Variants in PPARG observed in about 807,000 individuals in gnomAD.
The protein encoded by PPARG is peroxisome proliferator-activated receptor gamma.
In PPARG, 17 loss-of-function variants were observed where a neutral mutation model predicts 39.2. That is an observed-to-expected ratio of 0.43 (90% CI 0.30 to 0.65). PPARG has a LOEUF of 0.65. Among genes scored for constraint, PPARG ranks in the 30% least tolerant of loss-of-function variants. The pLI is 0.13. For synonymous variants in PPARG, 223 were observed against 215.7 expected, an observed-to-expected ratio of 1.03 and a Z score of -0.30; for missense variants, 406 against 585.9, an observed-to-expected ratio of 0.69 and a Z score of 3.17.
At chr3:12,401,554 G>A (rs1217852232) in intron 5 of PPARG, among the ~76,000 whole-genome samples, 1 of 148,934 alleles carries the variant, frequency 6.7e-6, no homozygotes, top group Non-Finnish European at 1.5e-5. Context: ...CAAAAGCAAC[G>A]AAATAATAAA....
chr3:12,386,998 C>A (rs1020327689), intron 4 of PPARG, among the ~76,000 whole-genome samples: 1 of 151,838 alleles, frequency 6.6e-6, no homozygotes, highest in African/African-American at 2.4e-5. Context: ...TGATAGTTTG[C>A]TTAGGATGAT....
chr3:12,417,203 G>T, intron 7 of PPARG, 49 bp downstream of exon 7: 1 of 1,583,768 alleles, frequency 6.3e-7, no homozygotes. Context: ...GATGATGGTG[G>T]GGTGGCCAAA....
At chr3:12,369,282 A>G (rs2049126450) in intron 2 of PPARG, among the ~76,000 whole-genome samples, 1 of 152,174 alleles carries the variant, frequency 6.6e-6, no homozygotes, top group Non-Finnish European at 1.5e-5. Flanking sequence ...GCTTGAGCCC[A>G]GGAGTTTGAG....
At chr3:12,365,163 T>C (rs2048974200) in intron 2 of PPARG, among the ~76,000 whole-genome samples, 1 of 152,212 alleles carries the variant, frequency 6.6e-6, no homozygotes, top group Non-Finnish European at 1.5e-5. Flanking sequence ...GCCACTGATC[T>C]GACAGGAGGT....
chr3:12,432,346 T>C (rs1280613318), intron 7 of PPARG, among the ~76,000 whole-genome samples: 1 of 152,232 alleles, frequency 6.6e-6, no homozygotes, highest in East Asian at 1.9e-4. Flanking sequence ...ACTCTATTAA[T>C]GTAATTCACT....
chr3:12,410,084 A>T (rs867810628), intron 6 of PPARG, among the ~76,000 whole-genome samples: 6 of 152,194 alleles, frequency 3.9e-5, no homozygotes, highest in African/African-American at 1.4e-4. Flanking sequence ...AAAAGATGGG[A>T]TATGGAATCG....
intron 4 of PPARG, among the ~76,000 whole-genome samples, chr3:12,390,661 G>A (rs1180757399): frequency 3.1e-4 from 4 of 13,024 alleles, no homozygotes; most frequent in Admixed American, 9.5e-4. Flanking sequence ...TTTTTTTTGA[G>A]ACAATGTCTC....
chr3:12,380,119 AG>A (rs2049588859), intron 3 of PPARG, among the ~76,000 whole-genome samples, 188 bp downstream of exon 3: 1 of 152,110 alleles, frequency 6.6e-6, no homozygotes, highest in Admixed American at 6.6e-5. Context: ...AGCTGGCACG[AG>A]GTCAATCTTG....
intron 2 of PPARG, among the ~76,000 whole-genome samples, chr3:12,314,744 A>C (rs2125003830): frequency 6.6e-6 from 1 of 152,282 alleles, no homozygotes; most frequent in Non-Finnish European, 1.5e-5. Flanking sequence ...CTGAAAAGGG[A>C]CGTTAGTAGG....
intron 1 of PPARG, among the ~76,000 whole-genome samples, chr3:12,300,444 T>A (rs2046897812): frequency 6.6e-6 from 1 of 152,260 alleles, no homozygotes; most frequent in African/African-American, 2.4e-5. Context: ...GCCTGCTGTA[T>A]GATCTTTGAT....
intron 7 of PPARG, among the ~76,000 whole-genome samples, chr3:12,429,499 C>T (rs1250058432): frequency 1.4e-5 from 2 of 145,554 alleles, no homozygotes; most frequent in African/African-American, 2.6e-5. Context: ...GGGCAAATCT[C>T]TTGAGCCCAG....
At chr3:12,325,666 T>A (rs1298995974) in intron 2 of PPARG, among the ~76,000 whole-genome samples, 1 of 151,564 alleles carries the variant, frequency 6.6e-6, no homozygotes, top group Non-Finnish European at 1.5e-5. Context: ...TTCTCCACTT[T>A]GATTTTTTTT....
chr3:12,310,401 G>T (rs2047193828), intron 1 of PPARG, among the ~76,000 whole-genome samples: 2 of 150,252 alleles, frequency 1.3e-5, no homozygotes, highest in Admixed American at 1.3e-4. Flanking sequence ...TTTACATACA[G>T]ATTTGGTTCC....
chr3:12,288,178 G>A (rs538133581), upstream of PPARG, among the ~76,000 whole-genome samples: 1 of 151,988 alleles, frequency 6.6e-6, no homozygotes, highest in East Asian at 2.0e-4. Flanking sequence ...CTGGGGAGAA[G>A]GGGGTCTCGG....
In PPARG at chr3:12,391,046, T is replaced by A. The variant is rs117634999; in HGVS notation, c.391-1568T>A. On this transcript the variant is annotated intron_variant, in intron 4 of 7. Transcript: ENST00000651735. Reference sequence around the variant, plus strand: ...CGCCTTTGTAACATCTCAGTCACAATTGGGAATCACAAACTACCAGAGATG... The same window carrying A: ...CGCCTTTGTAACATCTCAGTCACAAATGGGAATCACAAACTACCAGAGATG... Among the ~76,000 whole-genome samples the A allele has an allele frequency of 1.1e-4, 16 of 152,302 alleles. No individual in the cohort carries two copies. The East Asian group carries it at 3.1e-3, about 29-fold the overall frequency.
intron 7 of PPARG, 50 bp from the exon 8 acceptor site, chr3:12,433,848 G>A (rs902312330): frequency 2.5e-6 from 4 of 1,612,598 alleles, no homozygotes; most frequent in East Asian, 2.2e-5. Flanking sequence ...GGGGCCCAGA[G>A]GATTTTTTGA....
At position 12,405,896 on chromosome 3, in the gene PPARG, C is replaced by T. The variant is rs1326880981; in HGVS notation, c.544C>T (p.Arg182Trp). The change falls in exon 6 of 8, where the codon CGG becomes TGG. Residue 182 changes from arginine to tryptophan, a missense_variant. Physicochemically the swap from Arg to Trp is moderately radical, Grantham distance 101. Transcript: ENST00000651735. Reference sequence around the variant, plus strand: ...TTCCTCTATAGCCATCAGGTTTGGGCGGATGCCACAGGCCGAGAAGGAGAA... The same window carrying T: ...TTCCTCTATAGCCATCAGGTTTGGGTGGATGCCACAGGCCGAGAAGGAGAA... ...GMSHNAIRFG[R>W]MPQAEKEKLL... 1 of 1,613,962 alleles carries T rather than the reference C, an allele frequency of 6.2e-7. No individual in the cohort carries two copies. Among genetic ancestry groups the T allele is most frequent in the Non-Finnish European group, 8.5e-7 (1 of 1,179,896 alleles).
At chr3:12,317,782 G>A (rs904942014) in intron 2 of PPARG, among the ~76,000 whole-genome samples, 3 of 152,012 alleles carry the variant, frequency 2.0e-5, no homozygotes, top group African/African-American at 7.3e-5. Flanking sequence ...AAATTGCTTG[G>A]AGGATATATT....
At position 12,342,868 on chromosome 3, in the gene PPARG, A is replaced by C. The variant is rs552857127; in HGVS notation, c.-9+30415A>C. 1.4e-4 allele frequency among the ~76,000 whole-genome samples: 21 copies of C among 152,298 alleles called. No homozygotes were observed. In the South Asian group the frequency reaches 4.1e-3, roughly 30 times the overall value. ...CAGCAGTGTATTCTTTCCTTCAAGGAAAATGAAAATGTTTCCTTGGAGGAA... is the reference window on the plus strand; with the variant it reads ...CAGCAGTGTATTCTTTCCTTCAAGGCAAATGAAAATGTTTCCTTGGAGGAA... On this transcript the variant is annotated intron_variant, in intron 2 of 7. Transcript: ENST00000651735.
Sources: gnomAD v4.1 joint callset for allele counts (sites outside exome capture counted in the v4.1 genomes callset) on GRCh38, gnomAD v4.1.1 for gene constraint, MANE v1.5 for transcripts, NCBI Gene and HGNC (gene_info 2026-07-23, HGNC 2026-07-21) for gene names.